The following ZNF284 variants were observed in gnomAD, a reference collection of about 807,000 sequenced individuals.
ZNF284 encodes the protein zinc finger protein 284.
Under a neutral mutation model 12.9 loss-of-function variants are expected in ZNF284, and 12 were observed. The observed-to-expected ratio is 0.93, with a 90% CI of 0.60 to 1.51. The LOEUF (loss-of-function observed/expected upper bound fraction) is 1.51. Among genes scored for constraint, ZNF284 ranks in the 40% most tolerant of loss-of-function variants. The pLI, the probability that ZNF284 is intolerant of heterozygous loss-of-function variation, is 0.00. For synonymous variants in ZNF284, 225 were observed against 236.5 expected (o/e 0.95, Z 0.45); for missense variants, 667 against 707.3 (o/e 0.94, Z 0.65).
chr19:44,083,503 G>GAGAGAGAGAGAGAGA (rs1568522606), intron 4 of ZNF284, among the ~76,000 whole-genome samples: 1 of 22,418 alleles, frequency 4.5e-5, no homozygotes, highest in African/African-American at 9.7e-5. Flanking sequence ...AGAGAGAGAG[G>GAGAGAGAGAGAGAGA]GAATGGAATA....
chr19:44,089,027 T>C lies in ZNF284; in HGVS notation c.*1767T>C, dbSNP rs1045195879. On this transcript the variant is annotated 3_prime_UTR_variant, in exon 5 of 5. Coordinates refer to ENST00000421176, the MANE Select transcript of ZNF284 (RefSeq NM_001037813.4). ...ATGGGGTCTCACTATGTTGCCCAAA[T>C]TGGTCTCAAACTCCTGGGCTCAAGC... 1 of 152,014 alleles carries C rather than the reference T, an allele frequency of 6.6e-6. No homozygotes were observed. The highest frequency in any genetic ancestry group is 1.5e-5 in the Non-Finnish European group (1 of 68,116). 9.4% of individuals were successfully genotyped at this position (152,014 alleles called of 1,614,324 possible).
chr19:44,080,411 A>G (rs906492460), intron 2 of ZNF284, among the ~76,000 whole-genome samples: 9 of 152,164 alleles, frequency 5.9e-5, no homozygotes, highest in Admixed American at 2.6e-4. Flanking sequence ...AGCCTGGCCA[A>G]CATGGTCTCT....
chr19:44,087,129 A>C lies in ZNF284; in HGVS notation c.1651A>C (p.Ser551Arg). The change falls in exon 5 of 5, where the codon AGT becomes CGT. Residue 551 changes from serine to arginine, a missense_variant. Coordinates refer to ENST00000421176, the MANE Select transcript of ZNF284 (RefSeq NM_001037813.4). ...CEDCGKSSEH[S>R]SCLQDQQSDH... Reference sequence around the variant, plus strand: ...GGATTGTGGGAAGAGCAGTGAGCACAGTTCATGCCTTCAAGACCAACAAAG... The same window carrying C: ...GGATTGTGGGAAGAGCAGTGAGCACCGTTCATGCCTTCAAGACCAACAAAG... 1.9e-6 allele frequency: 3 copies of C among 1,614,198 alleles called. No individual in the cohort carries two copies. The highest frequency in any genetic ancestry group is 2.5e-6 in the Non-Finnish European group (3 of 1,180,022).
intron 4 of ZNF284, chr19:44,085,217 A>T (rs1300040949): frequency 1.3e-5 from 2 of 153,406 alleles, no homozygotes; most frequent in Non-Finnish European, 2.9e-5. Context: ...GTAATAAAAT[A>T]TATAGAACAC....
chr19:44,083,045 T>G (rs1213914548), intron 4 of ZNF284, among the ~76,000 whole-genome samples: 1 of 152,154 alleles, frequency 6.6e-6, no homozygotes, highest in Non-Finnish European at 1.5e-5. Context: ...TCTTTCTGAT[T>G]GGAATACTCT....
rs1390212636 is a variant in ZNF284 at position 44,072,694 on chromosome 19, G to T, written c.-69+403G>T. Among the ~76,000 whole-genome samples the T allele has an allele frequency of 9.9e-5, 15 of 152,160 alleles. No individual in the cohort carries two copies. The East Asian group carries it at 2.7e-3, about 27-fold the overall frequency. ...CGAAGCCTGTCAGGTCCCCGGGTGG[G>T]GTCAGAGCTCCATCTGCAGGGATCC... is the stretch of plus-strand genomic sequence containing the variant. On this transcript the variant is annotated intron_variant, in intron 1 of 4. Transcript: ENST00000421176.
At chr19:44,081,708 T>A (rs1967128848) in intron 3 of ZNF284, among the ~76,000 whole-genome samples, 1 of 150,306 alleles carries the variant, frequency 6.7e-6, no homozygotes, top group Admixed American at 6.6e-5. Flanking sequence ...CGAGACTCCG[T>A]CTCAAAAAAA....
intron 1 of ZNF284, among the ~76,000 whole-genome samples, chr19:44,074,862 A>AG (rs1012475550): frequency 4.7e-4 from 72 of 151,822 alleles, no homozygotes; most frequent in African/African-American, 1.7e-3. Context: ...TTAAAATTTG[A>AG]GGGGGCGTGC....
chr19:44,075,887 T>C, intron 1 of ZNF284, among the ~76,000 whole-genome samples: 1 of 152,214 alleles, frequency 6.6e-6, no homozygotes, highest in East Asian at 1.9e-4. Context: ...TATCTCCCAG[T>C]TGGACTCCTT....
intron 1 of ZNF284, among the ~76,000 whole-genome samples, chr19:44,075,772 G>A (rs1463088378): frequency 6.6e-6 from 1 of 152,056 alleles, no homozygotes; most frequent in African/African-American, 2.4e-5. Context: ...CTATCAAGAT[G>A]TATTTCACAT....
At chr19:44,081,711 CA>C (rs369698330) in intron 3 of ZNF284, among the ~76,000 whole-genome samples, 1 of 147,254 alleles carries the variant, frequency 6.8e-6, no homozygotes, top group African/African-American at 2.5e-5. Flanking sequence ...GACTCCGTCT[CA>C]AAAAAAAACA....
chr19:44,083,247 C>T (rs1034260940), intron 4 of ZNF284, among the ~76,000 whole-genome samples: 1 of 151,650 alleles, frequency 6.6e-6, no homozygotes, highest in Non-Finnish European at 1.5e-5. Flanking sequence ...CCAGCCTGGC[C>T]AGCATGGCAA....
rs554259913 is a variant in ZNF284, at chr19:44,084,254, G to T, written c.236-1460G>T. ...AGCACACAAGCTGGGTCTTTGTCAG[G>T]TCTCCTGTTTGTGCACACATGTGCC... On this transcript the variant is annotated intron_variant, in intron 4 of 4. Coordinates refer to ENST00000421176, the MANE Select transcript of ZNF284 (RefSeq NM_001037813.4). Among the ~76,000 whole-genome samples the T allele has an allele frequency of 9.9e-5, 15 of 152,278 alleles. No homozygotes were observed. The South Asian group carries it at 3.1e-3, about 32-fold the overall frequency.
In ZNF284 at chr19:44,087,089, A is replaced by C. The variant is rs1274100748; in HGVS notation, c.1611A>C (p.Lys537Asn). ...ATCAAAGACTCCACAGCAGAGAAAA[A>C]CTATTCCAATGTGAGGATTGTGGGA... is the stretch of plus-strand genomic sequence containing the variant. ...LTHQRLHSRE[K>N]LFQCEDCGKS... The change falls in exon 5 of 5, where the codon AAA (lysine) becomes AAC (asparagine). Residue 537 changes from lysine to asparagine, a missense_variant. Physicochemically the swap from Lys to Asn is moderately conservative, Grantham distance 94 (BLOSUM62 0). Coordinates refer to ENST00000421176, the MANE Select transcript of ZNF284 (RefSeq NM_001037813.4). 6.2e-7 allele frequency: 1 copy of C among 1,614,140 alleles called. No individual in the cohort carries two copies. Among genetic ancestry groups the C allele is most frequent in the Admixed American group, 1.7e-5 (1 of 60,024 alleles).
In ZNF284 at chr19:44,085,592, GA is replaced by G. The variant is rs1967219070; in HGVS notation, c.236-118del. ...ACAACGAGAGACCGTGGTGCACTTG[GA>G]AAACACAAACTGTACCTTCCTTGTA... is the stretch of plus-strand genomic sequence containing the variant. On this transcript the variant is annotated intron_variant, in intron 4 of 4. Transcript: ENST00000421176. The G allele has an allele frequency of 4.4e-6, 4 of 903,976 alleles. No homozygotes were observed. In the East Asian group the frequency reaches 1.0e-4, roughly 23 times the overall value. 56.0% of individuals were successfully genotyped at this position (903,976 alleles called of 1,614,324 possible). A position where few individuals can be genotyped will look rare whatever the true frequency, so the allele number is the denominator to read the frequency against.
intron 2 of ZNF284, among the ~76,000 whole-genome samples, chr19:44,078,256 A>G (rs1967065431): frequency 6.6e-6 from 1 of 152,240 alleles, no homozygotes; most frequent in African/African-American, 2.4e-5. Flanking sequence ...ACATGGGATT[A>G]ATAAGGTGAA....
At chr19:44,074,009 A>C (rs1966467439) in intron 1 of ZNF284, among the ~76,000 whole-genome samples, 1 of 152,126 alleles carries the variant, frequency 6.6e-6, no homozygotes, top group South Asian at 2.1e-4. Context: ...ATGTTATATC[A>C]TGCTCATCCT....
intron 1 of ZNF284, among the ~76,000 whole-genome samples, chr19:44,073,167 G>A (rs1343252490): frequency 6.6e-6 from 1 of 152,242 alleles, no homozygotes; most frequent in Admixed American, 6.5e-5. Context: ...AGGAGCAGGA[G>A]TTATCTGAGA....
rs1282885377 is a variant in ZNF284 at position 44,083,470 on chromosome 19, T to TAGAGAG, written c.235+1366_235+1367insGAGAGA. ...AAAGAAATATATATATATATATATA[T>TAGAGAG]ATATAGAGAGAGAGAGAGAGAGAGA... On this transcript the variant is annotated intron_variant, in intron 4 of 4. Transcript: ENST00000421176. Among the ~76,000 whole-genome samples, 149 of 64,506 alleles carry TAGAGAG rather than the reference T, an allele frequency of 2.3e-3. 2 individuals carry two copies. The highest frequency in any genetic ancestry group is 0.015 in the Middle Eastern group (2 of 130). The allele number at this position is 64,506 out of a possible 152,430, so 42.3% of individuals were successfully genotyped here. A position where few individuals can be genotyped will look rare whatever the true frequency, so the allele number is the denominator to read the frequency against.
Sources: allele counts gnomAD v4.1 joint callset (sites outside exome capture counted in the v4.1 genomes callset), GRCh38; gene constraint gnomAD v4.1.1; transcripts MANE v1.5; gene names NCBI Gene and HGNC (gene_info 2026-07-23, HGNC 2026-07-21).